ERC1: variants seen among roughly 807,000 people sequenced by gnomAD.
The protein encoded by ERC1 is ELKS/RAB6-interacting/CAST family member 1.
ERC1 carries 56 observed loss-of-function variants against 132.0 expected under a neutral mutation model. That is an observed-to-expected ratio of 0.42 (90% CI 0.34 to 0.53). The LOEUF (loss-of-function observed/expected upper bound fraction) is 0.53, where lower values mean the gene tolerates loss of function less well. Among genes scored for constraint, ERC1 ranks in the 20% least tolerant of loss-of-function variants. The pLI is 0.03. For synonymous variants in ERC1, 478 were observed against 476.1 expected (o/e 1.00, Z -0.05); for missense variants, 1,202 against 1,349.9 (o/e 0.89, Z 1.72).
At chr12:1,045,951 A>G (rs1971009921) in intron 2 of ERC1, among the ~76,000 whole-genome samples, 1 of 152,154 alleles carries the variant, frequency 6.6e-6, no homozygotes, top group Non-Finnish European at 1.5e-5. Context: ...ATTACTTTAA[A>G]TAATCAGTCA....
intron 12 of ERC1, among the ~76,000 whole-genome samples, chr12:1,193,559 C>T (rs975991388): frequency 6.6e-5 from 10 of 151,842 alleles, no homozygotes; most frequent in Non-Finnish European, 1.0e-4. Flanking sequence ...TATATGCCTA[C>T]ATATATTAAG....
At chr12:1,035,017 C>G (rs1751672997) in intron 2 of ERC1, among the ~76,000 whole-genome samples, 1 of 152,180 alleles carries the variant, frequency 6.6e-6, no homozygotes, top group Non-Finnish European at 1.5e-5. Flanking sequence ...ACTGTAATTA[C>G]TACACAATCC....
intron 12 of ERC1, chr12:1,204,183 CCTT>C (rs891655113): frequency 8.0e-6 from 2 of 250,772 alleles, no homozygotes; most frequent in Non-Finnish European, 1.5e-5. Context: ...AGATGGCTAA[CCTT>C]CTCTATTTTT....
intron 12 of ERC1, among the ~76,000 whole-genome samples, chr12:1,215,553 A>G (rs1382196173): frequency 6.6e-6 from 1 of 152,084 alleles, no homozygotes; most frequent in Non-Finnish European, 1.5e-5. Flanking sequence ...TCTAGAAAAT[A>G]TTTTCTTTTA....
At chr12:1,337,948 C>T (rs1334395805) in intron 15 of ERC1, among the ~76,000 whole-genome samples, 1 of 152,178 alleles carries the variant, frequency 6.6e-6, no homozygotes, top group East Asian at 1.9e-4. Flanking sequence ...CCTTACCTTA[C>T]CCTCTAGCTG....
intron 15 of ERC1, among the ~76,000 whole-genome samples, chr12:1,367,665 C>G (rs1261173895): frequency 6.6e-6 from 1 of 152,040 alleles, no homozygotes; most frequent in African/African-American, 2.4e-5. Context: ...TGAAATTTGC[C>G]CAGATGGGGG....
At chr12:1,083,028 G>C (rs1015227428) in intron 2 of ERC1, 136 bp from the exon 3 acceptor site, 7 of 719,134 alleles carry the variant, frequency 9.7e-6, no homozygotes, top group African/African-American at 1.8e-5. Flanking sequence ...TTAAGGACCT[G>C]TAAAACAGAA....
chr12:1,358,238 C>CT (rs573171500), intron 15 of ERC1, among the ~76,000 whole-genome samples: 11,430 of 142,062 alleles, frequency 0.08, 617 homozygotes, highest in African/African-American at 0.14. Flanking sequence ...AAACACTAAA[C>CT]TTTTTTTTTT....
At chr12:1,470,456 T>G (rs2093837905) in intron 18 of ERC1, among the ~76,000 whole-genome samples, 1 of 151,828 alleles carries the variant, frequency 6.6e-6, no homozygotes, top group Non-Finnish European at 1.5e-5. Flanking sequence ...TTTTGTTTTT[T>G]TTTTTTCTTC....
Position 1,091,290 on chromosome 12 carries a change from G to A in ERC1, c.1086+7710G>A, listed in dbSNP as rs187722142. On this transcript the variant is annotated intron_variant, in intron 3 of 18. Coordinates refer to ENST00000360905, the MANE Select transcript of ERC1 (RefSeq NM_178040.4). ...CACTGTTCAGAAAGACTTTCTGGGT[G>A]GAGTGCTAATTAAGTTGGGAAGGGG... 4.6e-5 allele frequency among the ~76,000 whole-genome samples: 7 copies of A among 152,300 alleles called. No individual in the cohort carries two copies. In the East Asian group the frequency reaches 9.6e-4, roughly 21 times the overall value.
At chr12:1,297,095 C>T (rs2080012540) in intron 15 of ERC1, among the ~76,000 whole-genome samples, 1 of 150,910 alleles carries the variant, frequency 6.6e-6, no homozygotes, top group African/African-American at 2.4e-5. Flanking sequence ...AAAATAAAAG[C>T]AGCCTAAGAA....
Position 1,198,100 on chromosome 12 carries a change from A to AT in ERC1, c.2351+8056dup, listed in dbSNP as rs745838808. Among the ~76,000 whole-genome samples the AT allele has an allele frequency of 3.8e-3, 572 of 151,028 alleles. 1 individual carries two copies. Among genetic ancestry groups the AT allele is most frequent in the African/African-American group, 0.013 (532 of 41,188 alleles). On this transcript the variant is annotated intron_variant, in intron 12 of 18. Transcript: ENST00000360905. The stretch of plus-strand genomic sequence containing the variant: ...GCCACCATGCCCAACTAATTTTTGT[A>AT]TTTTTTTTGTAGAGATGGGTTTTTG...
intron 3 of ERC1, among the ~76,000 whole-genome samples, chr12:1,093,957 C>CTATATATATATATATATATATA (rs202076174): frequency 0.026 from 1,772 of 68,472 alleles, 197 homozygotes; most frequent in Non-Finnish European, 0.035. Context: ...ATATATTTTT[C>CTATATATATATATATATATATA]TATATATATA....
At chr12:1,343,619 G>A (rs532718671) in intron 15 of ERC1, among the ~76,000 whole-genome samples, 36 of 152,086 alleles carry the variant, frequency 2.4e-4, no homozygotes, top group Non-Finnish European at 3.8e-4. Flanking sequence ...TTCATCAGTC[G>A]TTCACTTAAC....
intron 18 of ERC1, chr12:1,480,864 A>G (rs934365359): frequency 1.7e-5 from 12 of 702,520 alleles, no homozygotes; most frequent in Non-Finnish European, 2.9e-5. Flanking sequence ...TCCCAAAGCC[A>G]TGGAAAAACT....
intron 11 of ERC1, among the ~76,000 whole-genome samples, chr12:1,184,832 G>T (rs767181110): frequency 6.6e-5 from 10 of 151,934 alleles, no homozygotes; most frequent in Admixed American, 5.9e-4. Context: ...AGTTTACTGT[G>T]ACTTCAAACT....
chr12:1,374,961 A>G lies in ERC1; in HGVS notation c.2925+2984A>G, dbSNP rs543180612. 3.9e-5 allele frequency among the ~76,000 whole-genome samples: 6 copies of G among 151,982 alleles called. No individual in the cohort carries two copies. The East Asian group carries it at 5.8e-4, about 15-fold the overall frequency. ...CTACAATTTTGTAATCCTGTGCATT[A>G]GAATTAATTGTCACACCATATATTC... On this transcript the variant is annotated intron_variant, in intron 16 of 18. Transcript: ENST00000360905.
intron 7 of ERC1, 125 bp downstream of exon 7, chr12:1,116,158 C>A: frequency 1.3e-6 from 1 of 781,852 alleles, no homozygotes; most frequent in Non-Finnish European, 2.0e-6. Context: ...AATTCTTCAG[C>A]AGCGTGATCA....
rs940794144 is a variant in ERC1, at chr12:996,930, T to C, written c.-157+5608T>C. On this transcript the variant is annotated intron_variant, in intron 1 of 18. Transcript: ENST00000360905. ...GACACTGAACACTGGCAATATTTTA[T>C]ACTTTTTGAGAAGGGTCTTGGTCTG... Among the ~76,000 whole-genome samples the C allele has an allele frequency of 3.3e-5, 5 of 152,220 alleles. No individual in the cohort carries two copies. The East Asian group carries it at 5.8e-4, about 18-fold the overall frequency.
Sources: allele counts gnomAD v4.1 joint callset (sites outside exome capture counted in the v4.1 genomes callset), GRCh38; gene constraint gnomAD v4.1.1; transcripts MANE v1.5; gene names NCBI Gene and HGNC (gene_info 2026-07-23, HGNC 2026-07-21).